Variants in NRG1 observed in about 807,000 individuals in gnomAD.
NRG1 encodes pro-neuregulin-1, membrane-bound isoform.
In NRG1, 18 loss-of-function variants were observed where a neutral mutation model predicts 63.8. The ratio of observed to expected loss-of-function variants is 0.28; its 90% CI spans 0.19 to 0.42. NRG1 has a LOEUF of 0.42. Ranked by LOEUF, NRG1 falls within the 10% of genes least tolerant of loss-of-function variation. The probability of loss-of-function intolerance (pLI) is 1.00; values close to 1 mark genes in which losing one functional copy is unlikely to be tolerated. For missense variants in NRG1, 762 were observed against 814.7 expected (o/e 0.94, Z 0.79); for synonymous variants, 302 against 301.3 (o/e 1.00, Z -0.02).
At chr8:31,846,084 T>C (rs1250707224) in intron 1 of NRG1, among the ~76,000 whole-genome samples, 1 of 152,188 alleles carries the variant, frequency 6.6e-6, no homozygotes, top group Non-Finnish European at 1.5e-5. Context: ...TCAAGCAGGG[T>C]AAGCAATCTT....
intron 1 of NRG1, among the ~76,000 whole-genome samples, chr8:32,428,670 C>T (rs1037788064): frequency 1.3e-5 from 2 of 152,176 alleles, no homozygotes; most frequent in Admixed American, 6.5e-5. Flanking sequence ...TGAGGTGTCA[C>T]GACTCAGCAA....
chr8:32,257,808 A>G (rs1016432787), intron 1 of NRG1, among the ~76,000 whole-genome samples: 1 of 152,218 alleles, frequency 6.6e-6, no homozygotes, highest in East Asian at 1.9e-4. Flanking sequence ...TCTAAAAGTG[A>G]TTTAAAACTC....
intron 6 of NRG1, 131 bp from the exon 7 acceptor site, chr8:32,741,877 T>C (rs986382618): frequency 3.2e-6 from 2 of 626,554 alleles, no homozygotes; most frequent in African/African-American, 3.7e-5. Context: ...GTTGTGTCTT[T>C]TCTTTTCTTT....
chr8:31,809,468 C>G (rs1243357155), intron 1 of NRG1, among the ~76,000 whole-genome samples: 1 of 149,426 alleles, frequency 6.7e-6, no homozygotes, highest in Admixed American at 6.7e-5. Context: ...TGTTCTCTGT[C>G]TTAACTTTTT....
At chr8:31,891,385 G>T (rs758640032) in intron 1 of NRG1, among the ~76,000 whole-genome samples, 1 of 152,084 alleles carries the variant, frequency 6.6e-6, no homozygotes, top group African/African-American at 2.4e-5. Flanking sequence ...CACATGAAAA[G>T]ATGTTCAAGG....
chr8:32,040,848 C>G (rs1819914812), intron 1 of NRG1, among the ~76,000 whole-genome samples: 1 of 141,244 alleles, frequency 7.1e-6, no homozygotes, highest in South Asian at 2.3e-4. Flanking sequence ...ATTATTTTAG[C>G]ACTAAAATTC....
intron 1 of NRG1, among the ~76,000 whole-genome samples, chr8:32,226,915 A>C (rs901125759): frequency 3.0e-4 from 45 of 152,338 alleles, no homozygotes; most frequent in African/African-American, 1.1e-3. Context: ...CTATCCTTAC[A>C]TCACAGTATA....
intron 1 of NRG1, among the ~76,000 whole-genome samples, chr8:32,423,548 G>A (rs1213326594): frequency 6.6e-6 from 1 of 152,114 alleles, no homozygotes; most frequent in East Asian, 1.9e-4. Flanking sequence ...GAGAAGCTAA[G>A]GTGGGAGGAT....
At chr8:32,015,449 G>A (rs1815367430) in intron 1 of NRG1, among the ~76,000 whole-genome samples, 1 of 152,084 alleles carries the variant, frequency 6.6e-6, no homozygotes, top group Non-Finnish European at 1.5e-5. Context: ...TTTCTTTAGG[G>A]GAAGCAAAAA....
chr8:32,116,972 A>T (rs933919179), intron 1 of NRG1, among the ~76,000 whole-genome samples: 1 of 105,780 alleles, frequency 9.5e-6, no homozygotes. Context: ...CTGTCTCTAC[A>T]AAAAAAAAAA....
intron 8 of NRG1, among the ~76,000 whole-genome samples, chr8:32,755,024 G>GATT (rs1013608624): frequency 6.6e-5 from 10 of 152,042 alleles, no homozygotes; most frequent in African/African-American, 2.2e-4. Context: ...GAGTTATAGT[G>GATT]ATTATTATTA....
chr8:31,815,283 A>G (rs1195739994), intron 1 of NRG1, among the ~76,000 whole-genome samples: 1 of 151,836 alleles, frequency 6.6e-6, no homozygotes, highest in African/African-American at 2.4e-5. Flanking sequence ...CCACTATTCT[A>G]CTGTCTGTTT....
intron 1 of NRG1, among the ~76,000 whole-genome samples, chr8:32,264,915 GTT>G (rs1324147141): frequency 6.6e-6 from 1 of 152,122 alleles, no homozygotes; most frequent in Admixed American, 6.5e-5. Context: ...CAAAGAAAAA[GTT>G]CAACGGAAAT....
intron 1 of NRG1, among the ~76,000 whole-genome samples, chr8:32,474,965 A>C (rs1009648704): frequency 2.0e-5 from 3 of 152,158 alleles, no homozygotes; most frequent in Admixed American, 2.0e-4. Flanking sequence ...CTCTAGGAGA[A>C]TGGAGTAATT....
intron 1 of NRG1, among the ~76,000 whole-genome samples, chr8:31,994,020 T>G (rs1322277498): frequency 6.6e-6 from 1 of 151,900 alleles, no homozygotes; most frequent in Non-Finnish European, 1.5e-5. Context: ...TCAGTACTGA[T>G]AGGATGGGTC....
At chr8:32,388,384 T>C (rs1811291866) in intron 1 of NRG1, among the ~76,000 whole-genome samples, 1 of 152,208 alleles carries the variant, frequency 6.6e-6, no homozygotes, top group Non-Finnish European at 1.5e-5. Flanking sequence ...ATTTCTAACG[T>C]AGGGGTTTTC....
At chr8:32,659,833 A>T (rs1802437037) in intron 5 of NRG1, among the ~76,000 whole-genome samples, 1 of 152,046 alleles carries the variant, frequency 6.6e-6, no homozygotes, top group South Asian at 2.1e-4. Flanking sequence ...TCTACTATAA[A>T]TGTGCTCTTC....
downstream of NRG1, among the ~76,000 whole-genome samples, chr8:32,772,041 GTATATATATATATATATATA>G (rs1157977487): frequency 0.23 from 2,479 of 10,558 alleles, 387 homozygotes; most frequent in East Asian, 0.56. Flanking sequence ...AAAAAAATAT[GTATATATATATATATATATA>G]TATATATATA....
At chr8:31,964,378 A>G (rs1004783506) in intron 1 of NRG1, among the ~76,000 whole-genome samples, 1 of 152,244 alleles carries the variant, frequency 6.6e-6, no homozygotes, top group Non-Finnish European at 1.5e-5. Flanking sequence ...GCTTACTATA[A>G]AGAGCAAAAT....
Sources: allele counts gnomAD v4.1 joint callset (sites outside exome capture counted in the v4.1 genomes callset), GRCh38; gene constraint gnomAD v4.1.1; transcripts MANE v1.5; gene names NCBI Gene and HGNC (gene_info 2026-07-23, HGNC 2026-07-21).